NFIB: variants seen among roughly 807,000 people sequenced by gnomAD.
NFIB encodes the protein nuclear factor 1 B-type.
In NFIB, 11 loss-of-function variants were observed where a neutral mutation model predicts 61.5. That is an observed-to-expected ratio of 0.18 (90% CI 0.11 to 0.30). The LOEUF is 0.30. NFIB is among the 10% of genes least tolerant of loss of function. The pLI is 1.00. For missense variants in NFIB, 471 were observed against 608.9 expected (o/e 0.77, Z 2.38); for synonymous variants, 260 against 216.5 (o/e 1.20, Z -1.76).
the NFIB span, among the ~76,000 whole-genome samples, chr9:14,462,039 CAG>C: frequency 6.6e-6 from 1 of 152,182 alleles, no homozygotes; most frequent in Admixed American, 6.5e-5. Context: ...ACCTCCTGGG[CAG>C]AGTGTCCTAA....
the NFIB span, among the ~76,000 whole-genome samples, chr9:14,529,418 C>T: frequency 9.9e-5 from 15 of 152,046 alleles, no homozygotes; most frequent in Admixed American, 8.5e-4. Flanking sequence ...ACAAAGAGCC[C>T]AGAGTTATTA....
chr9:14,201,891 A>G (rs2049074144), intron 2 of NFIB, among the ~76,000 whole-genome samples: 1 of 146,088 alleles, frequency 6.8e-6, no homozygotes, highest in African/African-American at 2.5e-5. Flanking sequence ...ATATTTATCC[A>G]TTCGTTTATT....
At chr9:14,474,692 T>C in the NFIB span, among the ~76,000 whole-genome samples, 1 of 152,176 alleles carries the variant, frequency 6.6e-6, no homozygotes, top group Non-Finnish European at 1.5e-5. Context: ...TTATGCACTT[T>C]TAAAATACAG....
intron 2 of NFIB, among the ~76,000 whole-genome samples, chr9:14,304,699 A>C (rs768075520): frequency 1.2e-4 from 18 of 152,232 alleles, no homozygotes; most frequent in Non-Finnish European, 2.4e-4. Context: ...CCTGATTTAT[A>C]AAACAGACTT....
chr9:14,172,646 T>C (rs1411715759), intron 3 of NFIB, among the ~76,000 whole-genome samples: 1 of 152,262 alleles, frequency 6.6e-6, no homozygotes, highest in African/African-American at 2.4e-5. Flanking sequence ...TATTTCATCA[T>C]GAGACTTGAA....
In NFIB at chr9:14,229,804, A is replaced by G. The variant is rs914807292; in HGVS notation, c.563-50024T>C. 2.6e-5 allele frequency among the ~76,000 whole-genome samples: 4 copies of G among 152,170 alleles called. No homozygotes were observed. In the South Asian group the frequency reaches 8.3e-4, roughly 32 times the overall value. ...AATATCCCCTCCCAACCTGACTTTT[A>G]TTCCCATCCTGCAGCCACTAACATC... On this transcript the variant is annotated intron_variant, in intron 2 of 10. Transcript: ENST00000380953.
intron 6 of NFIB, among the ~76,000 whole-genome samples, chr9:14,143,497 G>A (rs10961392): frequency 6.6e-6 from 1 of 151,902 alleles, no homozygotes; most frequent in Non-Finnish European, 1.5e-5. Context: ...ATTTTGCTAA[G>A]GGCTATGTCA....
chr9:14,100,035 T>C (rs1051728339), intron 10 of NFIB, among the ~76,000 whole-genome samples: 1 of 152,024 alleles, frequency 6.6e-6, no homozygotes, highest in African/African-American at 2.4e-5. Flanking sequence ...ATCGTGCCAC[T>C]GCACTCCAGC....
chr9:14,400,313 C>T (rs2061730494), upstream of NFIB, among the ~76,000 whole-genome samples: 1 of 152,142 alleles, frequency 6.6e-6, no homozygotes, highest in Non-Finnish European at 1.5e-5. Flanking sequence ...CATTCAGAAA[C>T]GATGTTTGCT....
intron 1 of NFIB, among the ~76,000 whole-genome samples, chr9:14,366,689 T>A (rs2061303857): frequency 6.6e-6 from 1 of 152,154 alleles, no homozygotes; most frequent in Non-Finnish European, 1.5e-5. Flanking sequence ...TTTCACCATG[T>A]TGGCCAGGCT....
chr9:14,472,838 C>G, the NFIB span, among the ~76,000 whole-genome samples: 1 of 151,182 alleles, frequency 6.6e-6, no homozygotes, highest in South Asian at 2.1e-4. Flanking sequence ...GAGACTCCGT[C>G]TCAAAAAAAT....
At chr9:14,325,714 A>T (rs1202944600) in intron 1 of NFIB, among the ~76,000 whole-genome samples, 1 of 152,134 alleles carries the variant, frequency 6.6e-6, no homozygotes, top group Admixed American at 6.6e-5. Context: ...TTAGTCCATT[A>T]TTATACCAGA....
chr9:14,118,880 C>A (rs1011694768), intron 8 of NFIB, among the ~76,000 whole-genome samples: 2 of 150,282 alleles, frequency 1.3e-5, no homozygotes, highest in African/African-American at 4.9e-5. Context: ...ACCTAATATG[C>A]CCTCTTAACT....
intron 6 of NFIB, among the ~76,000 whole-genome samples, chr9:14,142,955 T>G (rs1419010689): frequency 6.6e-6 from 1 of 152,114 alleles, no homozygotes. Context: ...CTTTTCATTT[T>G]GTTCTGTATA....
At chr9:14,394,102 T>G (rs142792714) in intron 1 of NFIB, among the ~76,000 whole-genome samples, 1 of 152,332 alleles carries the variant, frequency 6.6e-6, no homozygotes, top group East Asian at 1.9e-4. Flanking sequence ...ACATGCCAGG[T>G]GTTATGCAAA....
At chr9:14,429,430 T>C in the NFIB span, among the ~76,000 whole-genome samples, 15 of 152,234 alleles carry the variant, frequency 9.9e-5, no homozygotes, top group Admixed American at 2.0e-4. Context: ...ATTTAGCTTT[T>C]GTCAGAATTT....
At chr9:14,511,037 T>A in the NFIB span, among the ~76,000 whole-genome samples, 1 of 152,134 alleles carries the variant, frequency 6.6e-6, no homozygotes, top group South Asian at 2.1e-4. Context: ...AATTGGGAGG[T>A]TGAGGCTAAA....
chr9:14,494,601 G>T, the NFIB span, among the ~76,000 whole-genome samples: 1 of 152,182 alleles, frequency 6.6e-6, no homozygotes, highest in African/African-American at 2.4e-5. Context: ...TATTTCCATG[G>T]TTCTTACTTC....
intron 2 of NFIB, among the ~76,000 whole-genome samples, chr9:14,254,972 C>G (rs1298494198): frequency 6.6e-6 from 1 of 152,106 alleles, no homozygotes; most frequent in Admixed American, 6.6e-5. Flanking sequence ...AATTTCAAAA[C>G]AAAATAACCT....
Sources: gnomAD v4.1 joint callset for allele counts (sites outside exome capture counted in the v4.1 genomes callset) on GRCh38, gnomAD v4.1.1 for gene constraint, MANE v1.5 for transcripts, NCBI Gene and HGNC (gene_info 2026-07-23, HGNC 2026-07-21) for gene names.